GRM7: variants seen among roughly 807,000 people sequenced by gnomAD.
GRM7 encodes the protein glutamate metabotropic receptor 7, also known as metabotropic glutamate receptor 7.
GRM7 carries 35 observed loss-of-function variants against 84.5 expected under a neutral mutation model. That is an observed-to-expected ratio of 0.41 (90% confidence interval 0.32 to 0.55). The LOEUF (loss-of-function observed/expected upper bound fraction) is 0.55. GRM7 is among the 20% of genes least tolerant of loss of function. The pLI is 0.19. For synonymous variants in GRM7, 487 were observed against 455.1 expected (o/e 1.07, Z -0.89); for missense variants, 1,003 against 1,194.6 (o/e 0.84, Z 2.36).
chr3:7,014,486 G>A (rs1173439608), intron 1 of GRM7, among the ~76,000 whole-genome samples: 1 of 151,906 alleles, frequency 6.6e-6, no homozygotes, highest in African/African-American at 2.4e-5. Context: ...GGATTACAGA[G>A]GTGCACCACC....
intron 8 of GRM7, among the ~76,000 whole-genome samples, chr3:7,594,625 C>G (rs1006007249): frequency 3.3e-5 from 5 of 152,070 alleles, no homozygotes; most frequent in African/African-American, 1.2e-4. Context: ...CCTGTCTTCC[C>G]GACAGGCCTC....
chr3:7,702,632 TAA>T (rs1307452497), intron 9 of GRM7, among the ~76,000 whole-genome samples: 1 of 152,368 alleles, frequency 6.6e-6, no homozygotes, highest in African/African-American at 2.4e-5. Context: ...AAAGATGCTT[TAA>T]GTTATTCTTA....
intron 1 of GRM7, among the ~76,000 whole-genome samples, chr3:6,969,504 G>A (rs756954033): frequency 6.6e-5 from 10 of 152,168 alleles, no homozygotes; most frequent in Non-Finnish European, 1.2e-4. Context: ...TCAGTTCACT[G>A]TGTGCCCCCA....
At chr3:7,009,015 C>T (rs1575124529) in intron 1 of GRM7, among the ~76,000 whole-genome samples, 2 of 152,222 alleles carry the variant, frequency 1.3e-5, no homozygotes, top group South Asian at 2.1e-4. Context: ...AAAGTTGCCT[C>T]TTTATGAATA....
intron 7 of GRM7, among the ~76,000 whole-genome samples, chr3:7,465,703 T>A (rs1698434973): frequency 6.6e-6 from 1 of 152,168 alleles, no homozygotes; most frequent in African/African-American, 2.4e-5. Context: ...TCATGGGTAC[T>A]TTTTCAATTC....
chr3:7,266,308 T>C (rs909427313), intron 2 of GRM7, among the ~76,000 whole-genome samples: 1 of 152,212 alleles, frequency 6.6e-6, no homozygotes, highest in Non-Finnish European at 1.5e-5. Flanking sequence ...AAAGAAAGCA[T>C]TGAGTTTGAA....
At chr3:7,554,068 A>G (rs1693632922) in intron 7 of GRM7, among the ~76,000 whole-genome samples, 4 of 152,206 alleles carry the variant, frequency 2.6e-5, no homozygotes, top group Admixed American at 2.6e-4. Context: ...GTGCAAAGCT[A>G]TGAAGCAAAG....
intron 1 of GRM7, among the ~76,000 whole-genome samples, chr3:6,963,272 T>A (rs934263906): frequency 2.6e-5 from 4 of 152,166 alleles, no homozygotes; most frequent in Non-Finnish European, 2.9e-5. Context: ...CTGAAGAACT[T>A]TTATGGGCTG....
intron 4 of GRM7, among the ~76,000 whole-genome samples, chr3:7,359,865 C>T (rs1693584950): frequency 6.7e-6 from 1 of 148,248 alleles, no homozygotes; most frequent in African/African-American, 2.6e-5. Flanking sequence ...CATTATCGGT[C>T]ATTTCATTTT....
chr3:7,010,572 A>G (rs1353440123), intron 1 of GRM7, among the ~76,000 whole-genome samples: 1 of 152,238 alleles, frequency 6.6e-6, no homozygotes, highest in African/African-American at 2.4e-5. Flanking sequence ...AAACAACCGA[A>G]TCAGATATTG....
At chr3:7,033,695 A>C (rs1434747079) in intron 1 of GRM7, among the ~76,000 whole-genome samples, 1 of 152,148 alleles carries the variant, frequency 6.6e-6, no homozygotes, top group Non-Finnish European at 1.5e-5. Context: ...TGCCTAAAAA[A>C]CAATAAGCAG....
rs199854358 is a variant in GRM7, at chr3:7,579,045, G to C, written c.2139G>C (p.Gln713His). The change falls in exon 8 of 10, where the codon CAG becomes CAC. Residue 713 changes from glutamine to histidine, a missense_variant. Gln to His is a conservative substitution (Grantham distance 24). Around this residue, in one of 2 missense-constraint regions of GRM7, gnomAD observed 910 missense variants for 1,126.0 expected, o/e 0.81. Transcript: ENST00000357716. ...TCACTTCCAGTTTAATATCAGTTCA[G>C]CTTCTAGGGGTGTTCATTTGGTTTG... Reference protein sequence around the residue: ...LAITSSLISVQLLGVFIWFGV... With the variant: ...LAITSSLISVHLLGVFIWFGV... The C allele has an allele frequency of 6.2e-7, 1 of 1,614,054 alleles. No homozygotes were observed. The highest frequency in any genetic ancestry group is 2.2e-5 in the East Asian group (1 of 44,870).
At chr3:7,364,199 A>G (rs1313963734) in intron 4 of GRM7, among the ~76,000 whole-genome samples, 2 of 150,022 alleles carry the variant, frequency 1.3e-5, no homozygotes, top group East Asian at 1.9e-4. Flanking sequence ...TGTTAGATGT[A>G]TATATATATC....
chr3:7,655,612 A>C (rs964964226), intron 8 of GRM7, among the ~76,000 whole-genome samples: 5 of 152,188 alleles, frequency 3.3e-5, no homozygotes, highest in Non-Finnish European at 5.9e-5. Context: ...GTATCTTTGC[A>C]AAAGTGCATT....
chr3:7,722,448 CTTT>C (rs34076976), intron 9 of GRM7, among the ~76,000 whole-genome samples: 23 of 136,462 alleles, frequency 1.7e-4, no homozygotes, highest in East Asian at 2.1e-4. Context: ...ATCCTTGTGT[CTTT>C]TTTTTTTTTT....
chr3:7,555,559 T>C (rs1020736696), intron 7 of GRM7, among the ~76,000 whole-genome samples: 6 of 152,370 alleles, frequency 3.9e-5, no homozygotes, highest in African/African-American at 1.4e-4. Flanking sequence ...ATATTCTTTT[T>C]AGTCCTAACA....
At chr3:7,210,481 T>G (rs568985778) in intron 2 of GRM7, among the ~76,000 whole-genome samples, 26 of 152,338 alleles carry the variant, frequency 1.7e-4, no homozygotes, top group African/African-American at 6.3e-4. Context: ...GATGTGAAAG[T>G]GTAAGGCCAG....
At chr3:7,580,358 A>G (rs529980287) in intron 8 of GRM7, among the ~76,000 whole-genome samples, 5 of 152,288 alleles carry the variant, frequency 3.3e-5, no homozygotes, top group African/African-American at 1.2e-4. Context: ...ATGTGAGGAC[A>G]TTGGGGGTCT....
chr3:7,552,553 A>G (rs539885914), intron 7 of GRM7, among the ~76,000 whole-genome samples: 2 of 152,296 alleles, frequency 1.3e-5, no homozygotes, highest in Non-Finnish European at 2.9e-5. Context: ...AGGTGTTTCC[A>G]TATATCCTCT....
Sources: gnomAD v4.1 joint callset for allele counts (sites outside exome capture counted in the v4.1 genomes callset) on GRCh38, gnomAD v4.1.1 for gene constraint, gnomAD v4.1.1 regional missense constraint, MANE v1.5 for transcripts, NCBI Gene and HGNC (gene_info 2026-07-23, HGNC 2026-07-21) for gene names.